Variants in LRRC63 observed in about 807,000 individuals in gnomAD.
LRRC63 encodes the protein leucine-rich repeat-containing protein 63.
Under a neutral mutation model 49.5 loss-of-function variants are expected in LRRC63, and 40 were observed. The observed-to-expected ratio is 0.81, with a 90% confidence interval of 0.63 to 1.05. The LOEUF (loss-of-function observed/expected upper bound fraction) is 1.05, where lower values mean the gene tolerates loss of function less well. Among genes scored for constraint, LRRC63 ranks in the 50% least tolerant of loss-of-function variants. LRRC63 has a pLI of 0.00. For synonymous variants in LRRC63, 191 were observed against 221.1 expected (o/e 0.86, Z 1.21); for missense variants, 636 against 663.1 (o/e 0.96, Z 0.45).
intron 8 of LRRC63, among the ~76,000 whole-genome samples, chr13:46,263,801 T>C (rs1466581396): frequency 6.6e-6 from 1 of 152,252 alleles, no homozygotes; most frequent in Non-Finnish European, 1.5e-5. Context: ...TACAAGCATT[T>C]TAGTTCATTC....
chr13:46,247,259 A>AT (rs1245976773), intron 6 of LRRC63, among the ~76,000 whole-genome samples: 14 of 152,056 alleles, frequency 9.2e-5, no homozygotes, highest in Non-Finnish European at 7.4e-5. Context: ...GAAAACATAT[A>AT]TTTTCCATAC....
chr13:46,237,995 TCAGGCAACCCTAATTTCAGACAAAA>T (rs1187752853), intron 5 of LRRC63, among the ~76,000 whole-genome samples: 1 of 151,938 alleles, frequency 6.6e-6, no homozygotes, highest in Non-Finnish European at 1.5e-5. Context: ...GGACCTAATT[TCAGGCAACCCTAATTTCAGACAAAA>T]CAGGCTTTAA....
At chr13:46,218,824 T>G (rs1041994530) in intron 2 of LRRC63, among the ~76,000 whole-genome samples, 3 of 152,178 alleles carry the variant, frequency 2.0e-5, no homozygotes, top group Non-Finnish European at 4.4e-5. Flanking sequence ...CAGTATTTGC[T>G]TGTCTGTAAT....
chr13:46,250,491 G>T lies in LRRC63; in HGVS notation c.1226G>T (p.Gly409Val), dbSNP rs1335192740. 12 of 1,521,792 alleles carry T rather than the reference G, an allele frequency of 7.9e-6. No individual in the cohort carries two copies. In the East Asian group the frequency reaches 2.7e-4, roughly 34 times the overall value. 94.3% of individuals were successfully genotyped at this position (1,521,792 alleles called of 1,614,324 possible). A position where few individuals can be genotyped will look rare whatever the true frequency, so the allele number is the denominator to read the frequency against. The change falls in exon 7 of 10, where the codon GGG becomes GTG. Residue 409 changes from glycine (G) to valine (V), a missense_variant and splice_region_variant. Physicochemically the swap from Gly to Val is moderately radical, Grantham distance 109. Transcript: ENST00000595396. ...AATTTAATTACTGTTCTTCCAATTG[G>T]GTAAGGTTGATGGTCTGAGATTATA...
At position 46,261,081 on chromosome 13, in the gene LRRC63, A is replaced by G. The variant is rs546921856; in HGVS notation, c.1227-828A>G. 5.3e-5 allele frequency among the ~76,000 whole-genome samples: 8 copies of G among 152,146 alleles called. No homozygotes were observed. The South Asian group carries it at 1.7e-3, about 32-fold the overall frequency. ...AAGAAGCAATTCCCACTTCCATCCA[A>G]CCCCTAGGAGTCAGGGCTTCTGACA... On this transcript the variant is annotated intron_variant, in intron 7 of 9. Transcript: ENST00000595396.
exon 3 of LRRC63, chr13:46,227,538 C>T: frequency 6.5e-7 from 1 of 1,534,946 alleles, no homozygotes; most frequent in Non-Finnish European, 8.8e-7. Context: ...TGAGTCACTA[C>T]ATGTAGCATT....
intron 7 of LRRC63, among the ~76,000 whole-genome samples, chr13:46,258,807 C>CAAA (rs11451920): frequency 1.8e-4 from 16 of 89,954 alleles, no homozygotes; most frequent in Admixed American, 4.7e-4. Context: ...GACTCTGTCT[C>CAAA]AAAAAAAAAA....
intron 7 of LRRC63, among the ~76,000 whole-genome samples, chr13:46,251,328 T>C (rs1353591245): frequency 2.0e-5 from 3 of 151,890 alleles, no homozygotes; most frequent in East Asian, 1.9e-4. Flanking sequence ...TAAAAAATTA[T>C]ACCATTTCTG....
At chr13:46,212,485 A>G (rs897246597) in intron 1 of LRRC63, among the ~76,000 whole-genome samples, 7 of 152,236 alleles carry the variant, frequency 4.6e-5, no homozygotes, top group Non-Finnish European at 7.3e-5. Flanking sequence ...TGGCCCAAGC[A>G]TAGTGGTTGA....
intron 2 of LRRC63, among the ~76,000 whole-genome samples, chr13:46,216,103 C>A (rs998287730): frequency 6.6e-6 from 1 of 152,120 alleles, no homozygotes; most frequent in African/African-American, 2.4e-5. Flanking sequence ...TATGTGGGCT[C>A]TTTTTTGGTT....
Position 46,276,342 on chromosome 13 carries a change from C to T in LRRC63, c.1551-248C>T, listed in dbSNP as rs571748924. On this transcript the variant is annotated intron_variant, in intron 9 of 9. Transcript: ENST00000595396. ...TAACTATTTTCAATTTGGGATCTATCATTAGAGTTTTTTCTTGTTATGCAT... is the reference window on the plus strand; with the variant it reads ...TAACTATTTTCAATTTGGGATCTATTATTAGAGTTTTTTCTTGTTATGCAT... Among the ~76,000 whole-genome samples the T allele has an allele frequency of 4.7e-4, 72 of 152,070 alleles. 1 individual carries two copies. Among genetic ancestry groups the T allele is most frequent in the African/African-American group, 1.7e-3 (69 of 41,430 alleles).
intron 9 of LRRC63, among the ~76,000 whole-genome samples, chr13:46,273,239 A>G (rs2047783537): frequency 6.6e-6 from 1 of 152,166 alleles, no homozygotes; most frequent in African/African-American, 2.4e-5. Context: ...TTCCAGAAAG[A>G]GGAAACAAAA....
intron 7 of LRRC63, among the ~76,000 whole-genome samples, chr13:46,250,808 G>T (rs1404026631): frequency 6.6e-6 from 1 of 151,886 alleles, no homozygotes; most frequent in African/African-American, 2.4e-5. Flanking sequence ...GATATGGAAA[G>T]AGCACTGAAT....
intron 2 of LRRC63, among the ~76,000 whole-genome samples, chr13:46,223,364 G>A (rs115266313): frequency 0.015 from 2,224 of 151,862 alleles, 66 homozygotes; most frequent in African/African-American, 0.051. Flanking sequence ...TTCTTGTAGC[G>A]TCACTCTTGG....
chr13:46,243,490 C>G (rs2047123390), intron 5 of LRRC63, among the ~76,000 whole-genome samples: 1 of 152,020 alleles, frequency 6.6e-6, no homozygotes, highest in African/African-American at 2.4e-5. Context: ...ATAATGTAAG[C>G]CCCAGCTATA....
chr13:46,262,401 A>G (rs1468455495), intron 8 of LRRC63, among the ~76,000 whole-genome samples: 1 of 152,178 alleles, frequency 6.6e-6, no homozygotes. Context: ...CTTCTAGGTC[A>G]GTACTATACT....
chr13:46,257,309 G>A (rs995826020), intron 7 of LRRC63, among the ~76,000 whole-genome samples: 1 of 152,210 alleles, frequency 6.6e-6, no homozygotes, highest in Non-Finnish European at 1.5e-5. Flanking sequence ...CCTCCAGATA[G>A]CAATGCAGTC....
intron 7 of LRRC63, 126 bp downstream of exon 7, chr13:46,250,617 AG>A: frequency 1.3e-6 from 1 of 741,342 alleles, no homozygotes; most frequent in Non-Finnish European, 2.2e-6. Flanking sequence ...TATTCTAATT[AG>A]CTAATACGCT....
chr13:46,230,137 C>A (rs565532470), intron 4 of LRRC63, among the ~76,000 whole-genome samples: 2 of 152,254 alleles, frequency 1.3e-5, no homozygotes, highest in African/African-American at 2.4e-5. Flanking sequence ...TTAGAGGGGA[C>A]AACATCCAAA....
Sources: gnomAD v4.1 joint callset for allele counts (sites outside exome capture counted in the v4.1 genomes callset) on GRCh38, gnomAD v4.1.1 for gene constraint, MANE v1.5 for transcripts, NCBI Gene and HGNC (gene_info 2026-07-23, HGNC 2026-07-21) for gene names.